Variants in NFIA observed in about 807,000 individuals in gnomAD.
NFIA encodes the protein nuclear factor 1 A-type.
In NFIA, 8 loss-of-function variants were observed where a neutral mutation model predicts 62.8. The observed-to-expected ratio is 0.13, with a 90% CI of 0.07 to 0.23. The LOEUF is 0.23. Ranked by LOEUF, NFIA falls within the 10% of genes least tolerant of loss-of-function variation. NFIA has a pLI of 1.00. For synonymous variants in NFIA, 235 were observed against 238.1 expected (o/e 0.99, Z 0.12); for missense variants, 410 against 642.1 (o/e 0.64, Z 3.91).
rs1185715707 is a variant in NFIA, at chr1:61,250,670, CTCTA to C, written c.560-26846_560-26843del. Among the ~76,000 whole-genome samples, 5 of 152,216 alleles carry C rather than the reference CTCTA, an allele frequency of 3.3e-5. No individual in the cohort carries two copies. The East Asian group carries it at 5.8e-4, about 18-fold the overall frequency. The stretch of plus-strand genomic sequence containing the variant: ...AGCATAATGAATGAAAGTAAAAAGG[CTCTA>C]TCTCTTTTCTGAAGCCTACTTGAAA... On this transcript the variant is annotated intron_variant, in intron 2 of 10. Transcript: ENST00000403491.
chr1:61,336,877 A>G (rs898310467), intron 4 of NFIA, among the ~76,000 whole-genome samples: 3 of 152,236 alleles, frequency 2.0e-5, no homozygotes, highest in African/African-American at 7.2e-5. Context: ...TTTCACAGTC[A>G]TCATTAATGA....
chr1:61,253,884 G>T (rs1172867551), intron 2 of NFIA, among the ~76,000 whole-genome samples: 1 of 152,092 alleles, frequency 6.6e-6, no homozygotes, highest in African/African-American at 2.4e-5. Flanking sequence ...AATCTGTCAT[G>T]ATGGCATTTG....
chr1:61,082,636 A>C lies in NFIA; in HGVS notation c.-156A>C. On this transcript the variant is annotated 5_prime_UTR_variant, in exon 1 of 11. Coordinates refer to ENST00000403491, the MANE Select transcript of NFIA (RefSeq NM_001134673.4). The stretch of plus-strand genomic sequence containing the variant: ...CAGTTGAGCCGACTTGGAAATGTGA[A>C]CGCAAGAAGCAGGCTTGATTTTTTT... 1 of 1,512,156 alleles carries C rather than the reference A, an allele frequency of 6.6e-7. No homozygotes were observed. The highest frequency in any genetic ancestry group is 1.3e-5 in the South Asian group (1 of 78,708). The allele number at this position is 1,512,156 out of a possible 1,614,324, so 93.7% of individuals were successfully genotyped here.
At chr1:61,269,662 A>C (rs1657391366) in intron 2 of NFIA, among the ~76,000 whole-genome samples, 1 of 152,192 alleles carries the variant, frequency 6.6e-6, no homozygotes, top group Non-Finnish European at 1.5e-5. Context: ...GAATATCCAG[A>C]CAGTGTTGTC....
chr1:61,340,906 T>G (rs1661864688), intron 4 of NFIA, among the ~76,000 whole-genome samples: 1 of 152,118 alleles, frequency 6.6e-6, no homozygotes. Context: ...TTCCTCAAAT[T>G]TTCAGCCAGA....
chr1:61,427,469 C>T (rs1211426536), intron 10 of NFIA, among the ~76,000 whole-genome samples: 5 of 152,146 alleles, frequency 3.3e-5, no homozygotes, highest in South Asian at 2.1e-4. Flanking sequence ...TGAAAACATT[C>T]TTGGAGCAAT....
chr1:61,446,107 T>C (rs1472320135), intron 10 of NFIA, among the ~76,000 whole-genome samples: 1 of 152,008 alleles, frequency 6.6e-6, no homozygotes, highest in Non-Finnish European at 1.5e-5. Context: ...AGCAACAGGA[T>C]CTTGTAGTAT....
intron 9 of NFIA, among the ~76,000 whole-genome samples, chr1:61,409,245 T>C (rs1465528098): frequency 9.9e-5 from 15 of 152,200 alleles, no homozygotes; most frequent in Admixed American, 9.8e-4. Context: ...CATGGGATTC[T>C]AGAAATATAG....
chr1:61,168,880 G>A (rs951649517), intron 2 of NFIA, among the ~76,000 whole-genome samples: 2 of 152,018 alleles, frequency 1.3e-5, no homozygotes, highest in African/African-American at 2.4e-5. Context: ...TTTGCAGCAA[G>A]ACTTACTTCC....
At chr1:61,368,141 C>T (rs1184350118) in intron 6 of NFIA, among the ~76,000 whole-genome samples, 1 of 152,140 alleles carries the variant, frequency 6.6e-6, no homozygotes, top group Non-Finnish European at 1.5e-5. Context: ...AATAAATTAC[C>T]CAAATCTCCA....
intron 2 of NFIA, among the ~76,000 whole-genome samples, chr1:61,159,206 T>C (rs1388114671): frequency 6.6e-6 from 1 of 152,068 alleles, no homozygotes; most frequent in African/African-American, 2.4e-5. Context: ...ACTGTAAACA[T>C]TTTTTACCTG....
intron 2 of NFIA, among the ~76,000 whole-genome samples, chr1:61,119,355 A>C (rs1310277274): frequency 6.6e-6 from 1 of 152,182 alleles, no homozygotes; most frequent in Non-Finnish European, 1.5e-5. Context: ...TAATTCAGTT[A>C]CTCAGCAAAA....
intron 2 of NFIA, among the ~76,000 whole-genome samples, chr1:61,185,752 T>G (rs1430892074): frequency 6.6e-6 from 1 of 152,066 alleles, no homozygotes; most frequent in Non-Finnish European, 1.5e-5. Context: ...GAATGCATTT[T>G]TCCCAGCTCC....
chr1:61,400,876 A>G (rs1198770555), intron 7 of NFIA, among the ~76,000 whole-genome samples: 3 of 152,254 alleles, frequency 2.0e-5, no homozygotes, highest in South Asian at 2.1e-4. Context: ...CAGTAAAAAC[A>G]TCCAAGATGA....
chr1:61,346,459 A>C (rs1053252197), intron 4 of NFIA, among the ~76,000 whole-genome samples: 1 of 152,244 alleles, frequency 6.6e-6, no homozygotes, highest in Non-Finnish European at 1.5e-5. Context: ...TATTAGTTAA[A>C]AAGTATACTG....
At chr1:61,085,225 T>TC (rs1557553331) in intron 1 of NFIA, among the ~76,000 whole-genome samples, 1 of 152,130 alleles carries the variant, frequency 6.6e-6, no homozygotes, top group Non-Finnish European at 1.5e-5. Context: ...AACCTAGACA[T>TC]CTTATTTTAA....
chr1:61,188,945 A>G (rs1651407110), intron 2 of NFIA, among the ~76,000 whole-genome samples: 1 of 152,234 alleles, frequency 6.6e-6, no homozygotes, highest in Non-Finnish European at 1.5e-5. Context: ...GGATAGTAGT[A>G]TCCATTTAAT....
At chr1:61,295,554 A>G (rs1454629511) in intron 3 of NFIA, among the ~76,000 whole-genome samples, 1 of 152,120 alleles carries the variant, frequency 6.6e-6, no homozygotes, top group Non-Finnish European at 1.5e-5. Flanking sequence ...TGGCAAGTGC[A>G]AGGGTGGGAG....
chr1:61,143,830 G>A (rs1187409988), intron 2 of NFIA, among the ~76,000 whole-genome samples: 4 of 152,124 alleles, frequency 2.6e-5, no homozygotes, highest in Admixed American at 2.0e-4. Flanking sequence ...CCATACCACC[G>A]AGGTTGAGAA....
Sources: gnomAD v4.1 joint callset for allele counts (sites outside exome capture counted in the v4.1 genomes callset) on GRCh38, gnomAD v4.1.1 for gene constraint, MANE v1.5 for transcripts, NCBI Gene and HGNC (gene_info 2026-07-23, HGNC 2026-07-21) for gene names.